IGSF11: variants seen among roughly 807,000 people sequenced by gnomAD.
IGSF11 encodes the protein CXADR like 1.
Under a neutral mutation model 41.0 loss-of-function variants are expected in IGSF11, and 22 were observed. That is an observed-to-expected ratio of 0.54 (90% confidence interval 0.38 to 0.77). IGSF11 has a LOEUF of 0.77. Among genes scored for constraint, IGSF11 ranks in the 30% least tolerant of loss-of-function variants. The pLI is 0.00. For synonymous variants in IGSF11, 219 were observed against 201.3 expected, an observed-to-expected ratio of 1.09 and a Z score of -0.74; for missense variants, 444 against 530.8, an observed-to-expected ratio of 0.84 and a Z score of 1.61.
intron 1 of IGSF11, among the ~76,000 whole-genome samples, chr3:118,986,248 G>A (rs1315935082): frequency 6.6e-6 from 1 of 152,104 alleles, no homozygotes; most frequent in Non-Finnish European, 1.5e-5. Context: ...CTTACGTGCA[G>A]AGGAACCAGT....
intron 1 of IGSF11, among the ~76,000 whole-genome samples, chr3:118,981,310 C>T (rs1308709998): frequency 1.3e-5 from 2 of 152,142 alleles, no homozygotes; most frequent in Non-Finnish European, 2.9e-5. Flanking sequence ...GCTGGGACTA[C>T]AGGCACATGC....
chr3:118,921,433 T>C (rs1464388243), intron 4 of IGSF11, among the ~76,000 whole-genome samples: 1 of 152,108 alleles, frequency 6.6e-6, no homozygotes, highest in Non-Finnish European at 1.5e-5. Flanking sequence ...ATAAACAGTA[T>C]TAGGAATGAA....
At chr3:119,115,984 G>A (rs564637940) in intron 1 of IGSF11, among the ~76,000 whole-genome samples, 3 of 152,222 alleles carry the variant, frequency 2.0e-5, no homozygotes, top group East Asian at 3.9e-4. Flanking sequence ...ATGACAAAAC[G>A]AGGAGCTTTG....
Position 118,933,703 on chromosome 3 carries a change from A to G in IGSF11, c.53-3428T>C, listed in dbSNP as rs556201385. 5.3e-5 allele frequency among the ~76,000 whole-genome samples: 8 copies of G among 152,242 alleles called. No homozygotes were observed. The South Asian group carries it at 1.7e-3, about 32-fold the overall frequency. ...CACTTACTACTACACATAACTCAAC[A>G]CACAGAAATCATTCCATATGTGTTT... On this transcript the variant is annotated intron_variant, in intron 1 of 6. Coordinates refer to ENST00000393775, the MANE Select transcript of IGSF11 (RefSeq NM_001015887.3).
chr3:119,021,064 G>C (rs1014141323), intron 1 of IGSF11, among the ~76,000 whole-genome samples: 1 of 152,106 alleles, frequency 6.6e-6, no homozygotes, highest in African/African-American at 2.4e-5. Flanking sequence ...CTAGGGAAAA[G>C]AAAAATATCA....
chr3:119,031,857 G>A (rs1266909500), intron 1 of IGSF11, among the ~76,000 whole-genome samples: 1 of 151,984 alleles, frequency 6.6e-6, no homozygotes, highest in Admixed American at 6.5e-5. Context: ...CACTGAAAAG[G>A]TTCATGACTT....
chr3:119,134,854 C>T (rs1432658564), intron 1 of IGSF11, among the ~76,000 whole-genome samples: 1 of 152,112 alleles, frequency 6.6e-6, no homozygotes, highest in Non-Finnish European at 1.5e-5. Flanking sequence ...GATACACAGA[C>T]CAAAACAGAT....
chr3:118,930,504 T>C (rs1942761922), intron 1 of IGSF11, among the ~76,000 whole-genome samples: 1 of 152,214 alleles, frequency 6.6e-6, no homozygotes, highest in Non-Finnish European at 1.5e-5. Flanking sequence ...CTCTTTACTA[T>C]CTTTTGGAAG....
At chr3:118,970,917 A>C (rs1334378481) in intron 1 of IGSF11, among the ~76,000 whole-genome samples, 1 of 152,180 alleles carries the variant, frequency 6.6e-6, no homozygotes, top group Admixed American at 6.5e-5. Flanking sequence ...AAAGACCAAA[A>C]ATAGTGTGTG....
intron 4 of IGSF11, among the ~76,000 whole-genome samples, chr3:118,923,028 G>A (rs1380515239): frequency 6.6e-6 from 1 of 152,122 alleles, no homozygotes; most frequent in African/African-American, 2.4e-5. Flanking sequence ...CTTTAATGCA[G>A]TGATACTCAG....
intron 1 of IGSF11, among the ~76,000 whole-genome samples, chr3:119,000,841 C>T (rs1168227099): frequency 1.3e-5 from 2 of 152,124 alleles, no homozygotes; most frequent in African/African-American, 4.8e-5. Flanking sequence ...GCCAGAGTGC[C>T]TCTGTTCAAA....
At chr3:119,054,924 C>T (rs866780819) in intron 1 of IGSF11, among the ~76,000 whole-genome samples, 11 of 152,230 alleles carry the variant, frequency 7.2e-5, no homozygotes, top group Middle Eastern at 3.4e-3. Flanking sequence ...TGGGAGGCAC[C>T]CCCAAGTACG....
chr3:119,106,693 C>A (rs2077033026), upstream of IGSF11, among the ~76,000 whole-genome samples: 1 of 152,058 alleles, frequency 6.6e-6, no homozygotes, highest in Non-Finnish European at 1.5e-5. Context: ...CCCATTAACT[C>A]GTCGTTTAGC....
chr3:119,107,169 T>G (rs1206939081), upstream of IGSF11, among the ~76,000 whole-genome samples: 4 of 152,222 alleles, frequency 2.6e-5, no homozygotes, highest in Non-Finnish European at 1.5e-5. Flanking sequence ...CCACACTGAC[T>G]TCCACAATGG....
chr3:119,103,029 G>A (rs9845471), intron 1 of IGSF11, among the ~76,000 whole-genome samples: 38,663 of 135,390 alleles, frequency 0.29, 5,480 homozygotes, highest in Middle Eastern at 0.46. Context: ...TTGGAGTCTC[G>A]CTCTGTCGCC....
At chr3:118,923,120 T>C (rs2107520108) in intron 4 of IGSF11, among the ~76,000 whole-genome samples, 1 of 152,238 alleles carries the variant, frequency 6.6e-6, no homozygotes, top group African/African-American at 2.4e-5. Flanking sequence ...CTCTATCTGT[T>C]CCAGGAAGCT....
rs954889567 is a variant in IGSF11, at chr3:118,905,804, G to A, written c.581-86C>T. Reference sequence around the variant, plus strand: ...TCAGCGGAAGACCATAAAAACAGACGAACACTGGAGAGCTATCAATAAATT... The same window carrying A: ...TCAGCGGAAGACCATAAAAACAGACAAACACTGGAGAGCTATCAATAAATT... On this transcript the variant is annotated intron_variant, in intron 4 of 6. Transcript: ENST00000393775. 13 of 1,429,764 alleles carry A rather than the reference G, an allele frequency of 9.1e-6. No individual in the cohort carries two copies. In the East Asian group the frequency reaches 1.2e-4, roughly 13 times the overall value. 88.6% of individuals were successfully genotyped at this position (1,429,764 alleles called of 1,614,324 possible). A position where few individuals can be genotyped will look rare whatever the true frequency, so the allele number is the denominator to read the frequency against.
At chr3:119,095,506 G>T (rs2076834823) in intron 1 of IGSF11, among the ~76,000 whole-genome samples, 1 of 152,086 alleles carries the variant, frequency 6.6e-6, no homozygotes, top group Non-Finnish European at 1.5e-5. Context: ...ATTATGAAGG[G>T]TCTAGGATTT....
intron 1 of IGSF11, among the ~76,000 whole-genome samples, chr3:119,043,600 C>G (rs1012868150): frequency 6.6e-6 from 1 of 152,178 alleles, no homozygotes; most frequent in African/African-American, 2.4e-5. Flanking sequence ...AGCATAACAA[C>G]CATTCAAAAA....
Sources: gnomAD v4.1 joint callset for allele counts (sites outside exome capture counted in the v4.1 genomes callset) on GRCh38, gnomAD v4.1.1 for gene constraint, MANE v1.5 for transcripts, NCBI Gene and HGNC (gene_info 2026-07-23, HGNC 2026-07-21) for gene names.